Variants in PRELID2 observed in about 807,000 individuals in gnomAD.
PRELID2 encodes the protein PRELI domain-containing protein 2.
PRELID2 carries 25 observed loss-of-function variants against 28.4 expected under a neutral mutation model. The ratio of observed to expected loss-of-function variants is 0.88; its 90% CI spans 0.64 to 1.23. The LOEUF is 1.23. PRELID2 is among the 50% of genes most tolerant of loss of function. PRELID2 has a pLI of 0.00. For missense variants in PRELID2, 201 were observed against 214.4 expected (o/e 0.94, Z 0.39); for synonymous variants, 76 against 71.6 (o/e 1.06, Z -0.31).
chr5:145,463,344 T>TG, the PRELID2 span, among the ~76,000 whole-genome samples: 3 of 143,380 alleles, frequency 2.1e-5, no homozygotes, highest in African/African-American at 8.1e-5. Flanking sequence ...TATTTGAAGT[T>TG]TTTTTTTTTT....
At chr5:145,616,569 G>GC (rs993179355) in intron 1 of PRELID2, among the ~76,000 whole-genome samples, 1 of 152,092 alleles carries the variant, frequency 6.6e-6, no homozygotes, top group South Asian at 2.1e-4. Context: ...GTTCTGTGAT[G>GC]CCCCCCAAGC....
At chr5:145,651,328 G>T (rs1262548481) in intron 1 of PRELID2, among the ~76,000 whole-genome samples, 2 of 151,998 alleles carry the variant, frequency 1.3e-5, no homozygotes, top group Non-Finnish European at 2.9e-5. Flanking sequence ...TCCACCTCTG[G>T]AGGCAGGGCA....
At chr5:145,736,925 G>A (rs1756511839) in intron 1 of PRELID2, among the ~76,000 whole-genome samples, 1 of 152,082 alleles carries the variant, frequency 6.6e-6, no homozygotes, top group Admixed American at 6.6e-5. Flanking sequence ...AAATTTCAAT[G>A]TTGCTTTTCA....
intron 1 of PRELID2, among the ~76,000 whole-genome samples, chr5:145,562,713 A>C (rs1040995109): frequency 6.6e-6 from 1 of 152,246 alleles, no homozygotes; most frequent in African/African-American, 2.4e-5. Context: ...AGTACACACA[A>C]GTTTTATAAA....
At chr5:145,434,555 A>T in the PRELID2 span, among the ~76,000 whole-genome samples, 1 of 152,174 alleles carries the variant, frequency 6.6e-6, no homozygotes, top group Non-Finnish European at 1.5e-5. Context: ...TCATAGATTA[A>T]TGAGTTCATT....
At chr5:145,579,509 C>A (rs1340602899) in intron 1 of PRELID2, among the ~76,000 whole-genome samples, 3 of 152,048 alleles carry the variant, frequency 2.0e-5, no homozygotes, top group Non-Finnish European at 2.9e-5. Context: ...AAAGCCATGA[C>A]AAGAGGAGTC....
chr5:145,530,228 A>G (rs1392983804), intron 1 of PRELID2, among the ~76,000 whole-genome samples: 2 of 152,150 alleles, frequency 1.3e-5, no homozygotes, highest in Non-Finnish European at 2.9e-5. Context: ...CATTCAATTT[A>G]CTCAACAAGT....
At chr5:145,437,063 C>T in the PRELID2 span, 1 of 152,334 alleles carries the variant, frequency 6.6e-6, no homozygotes, top group East Asian at 1.9e-4. Context: ...CAATATCCTC[C>T]ACATAATAAA....
chr5:145,314,658 T>C, the PRELID2 span, among the ~76,000 whole-genome samples: 1 of 152,022 alleles, frequency 6.6e-6, no homozygotes, highest in Non-Finnish European at 1.5e-5. Flanking sequence ...TCAATAATTA[T>C]TTAGATTTTG....
intron 1 of PRELID2, among the ~76,000 whole-genome samples, chr5:145,649,206 G>A (rs974951519): frequency 1.3e-5 from 2 of 152,250 alleles, no homozygotes; most frequent in South Asian, 4.2e-4. Context: ...TAGCATGAGG[G>A]AAAATGTGTG....
At chr5:145,790,546 T>A (rs1222529590) in intron 5 of PRELID2, among the ~76,000 whole-genome samples, 2 of 151,912 alleles carry the variant, frequency 1.3e-5, no homozygotes, top group East Asian at 3.9e-4. Flanking sequence ...GGAATAAGTT[T>A]TTAGATCTAT....
downstream of PRELID2, among the ~76,000 whole-genome samples, chr5:145,752,716 G>A (rs569191857): frequency 1.1e-3 from 162 of 152,202 alleles, 1 homozygote; most frequent in African/African-American, 3.7e-3. Flanking sequence ...ACATCCTGTC[G>A]CCATTTACAA....
chr5:145,442,574 A>G, the PRELID2 span, among the ~76,000 whole-genome samples: 1 of 152,006 alleles, frequency 6.6e-6, no homozygotes, highest in South Asian at 2.1e-4. Flanking sequence ...CACTGGATAT[A>G]CCAGCATTTA....
chr5:145,528,726 C>CACACAGAG (rs1475264275), intron 1 of PRELID2, among the ~76,000 whole-genome samples: 9 of 53,528 alleles, frequency 1.7e-4, no homozygotes, highest in African/African-American at 5.7e-4. Flanking sequence ...CACACACACA[C>CACACAGAG]AGAGAGAGAG....
At chr5:145,737,261 G>T (rs1392353700) in intron 1 of PRELID2, among the ~76,000 whole-genome samples, 1 of 151,992 alleles carries the variant, frequency 6.6e-6, no homozygotes, top group African/African-American at 2.4e-5. Context: ...AGTATAACAG[G>T]GGACCCAGAC....
the PRELID2 span, among the ~76,000 whole-genome samples, chr5:145,375,091 A>G: frequency 6.6e-6 from 1 of 151,908 alleles, no homozygotes; most frequent in Non-Finnish European, 1.5e-5. Context: ...GCATATTTTC[A>G]TTGATTCTTT....
intron 4 of PRELID2, among the ~76,000 whole-genome samples, chr5:145,799,029 T>C (rs1311671368): frequency 6.7e-6 from 1 of 150,098 alleles, no homozygotes; most frequent in East Asian, 1.9e-4. Context: ...TAATAAAATA[T>C]ATATATATAT....
chr5:145,548,969 A>G (rs1327896960), intron 1 of PRELID2, among the ~76,000 whole-genome samples: 1 of 152,164 alleles, frequency 6.6e-6, no homozygotes, highest in African/African-American at 2.4e-5. Context: ...CTCAAAAACA[A>G]CATGCTCTCT....
At chr5:145,518,068 C>T (rs977774438) in intron 1 of PRELID2, among the ~76,000 whole-genome samples, 2 of 151,614 alleles carry the variant, frequency 1.3e-5, no homozygotes, top group African/African-American at 4.8e-5. Context: ...TGCAGCAAAC[C>T]ACCATGGCAC....
Sources: allele counts gnomAD v4.1 joint callset (sites outside exome capture counted in the v4.1 genomes callset), GRCh38; gene constraint gnomAD v4.1.1; transcripts MANE v1.5; gene names NCBI Gene and HGNC (gene_info 2026-07-23, HGNC 2026-07-21).